GRIA2: variants seen among roughly 807,000 people sequenced by gnomAD.
The protein encoded by GRIA2 is glutamate receptor 2.
A neutral mutation model predicts 97.3 loss-of-function variants in GRIA2; 14 were observed. That is an observed-to-expected ratio of 0.14 (90% CI 0.10 to 0.23). GRIA2 has a LOEUF of 0.23. Ranked by LOEUF, GRIA2 falls within the 10% of genes least tolerant of loss-of-function variation. GRIA2 has a pLI of 1.00. For missense variants in GRIA2, 558 were observed against 1,069.8 expected (o/e 0.52, Z 6.67); for synonymous variants, 412 against 387.8 (o/e 1.06, Z -0.73).
At chr4:157,330,220 G>A (rs887151194) in intron 6 of GRIA2, among the ~76,000 whole-genome samples, 2 of 151,892 alleles carry the variant, frequency 1.3e-5, no homozygotes, top group African/African-American at 4.8e-5. Context: ...CAAGGCAACA[G>A]AACAGTAAAT....
rs905895618 is a variant in GRIA2, at chr4:157,278,164, C to T, written c.230-25388C>T. Among the ~76,000 whole-genome samples, 19 of 151,544 alleles carry T rather than the reference C, an allele frequency of 1.3e-4. No individual in the cohort carries two copies. In the South Asian group the frequency reaches 1.7e-3, roughly 13 times the overall value. On this transcript the variant is annotated intron_variant, in intron 2 of 15. Transcript: ENST00000264426. ...AAAAGAATACCTAGAATTGCCAACA[C>T]AATATTAAAGAAGATGAACAAAGTC... is the stretch of plus-strand genomic sequence containing the variant.
At chr4:157,338,461 AC>A (rs1735403379) in intron 11 of GRIA2, among the ~76,000 whole-genome samples, 1 of 151,910 alleles carries the variant, frequency 6.6e-6, no homozygotes, top group Non-Finnish European at 1.5e-5. Flanking sequence ...GGAGTGGGAA[AC>A]CTATTTGCAC....
At chr4:157,276,980 T>C (rs1186239204) in intron 2 of GRIA2, among the ~76,000 whole-genome samples, 1 of 151,876 alleles carries the variant, frequency 6.6e-6, no homozygotes, top group Non-Finnish European at 1.5e-5. Context: ...TTCTACCAAA[T>C]ATTTAAGGAA....
chr4:157,267,422 A>T (rs1731823172), intron 2 of GRIA2, among the ~76,000 whole-genome samples: 4 of 151,784 alleles, frequency 2.6e-5, no homozygotes, highest in Non-Finnish European at 4.4e-5. Context: ...AAGTTAAAAA[A>T]CTTTGAATCT....
intron 2 of GRIA2, among the ~76,000 whole-genome samples, chr4:157,245,342 A>G (rs1173912904): frequency 6.6e-6 from 1 of 152,074 alleles, no homozygotes; most frequent in Non-Finnish European, 1.5e-5. Context: ...TGGAAAAAAA[A>G]TACACTCTGC....
intron 11 of GRIA2, 27 bp from the exon 12 acceptor site, chr4:157,341,237 A>G (rs1474570091): frequency 1.3e-6 from 2 of 1,515,550 alleles, no homozygotes; most frequent in Admixed American, 3.4e-5. Context: ...ATTTCACTTT[A>G]CAAATCCATT....
intron 2 of GRIA2, among the ~76,000 whole-genome samples, chr4:157,274,443 T>C (rs886449013): frequency 1.3e-5 from 2 of 151,996 alleles, no homozygotes; most frequent in Non-Finnish European, 2.9e-5. Context: ...TGTATACATG[T>C]GCCACGTTGG....
intron 2 of GRIA2, among the ~76,000 whole-genome samples, chr4:157,257,941 T>C (rs1334295658): frequency 6.6e-6 from 1 of 152,088 alleles, no homozygotes; most frequent in Non-Finnish European, 1.5e-5. Context: ...CTTACACCTG[T>C]CTTTACTGCA....
chr4:157,290,633 T>C (rs1421103863), intron 2 of GRIA2, among the ~76,000 whole-genome samples: 3 of 151,872 alleles, frequency 2.0e-5, no homozygotes, highest in African/African-American at 7.2e-5. Flanking sequence ...TACTTTATAT[T>C]ATTCACATTG....
Position 157,361,145 on chromosome 4 carries a change from T to C in GRIA2, c.2406+21T>C, listed in dbSNP as rs1736614747. 1 of 1,539,018 alleles carries C rather than the reference T, an allele frequency of 6.5e-7. No homozygotes were observed. Among genetic ancestry groups the C allele is most frequent in the Non-Finnish European group, 9.0e-7 (1 of 1,111,968 alleles). ...CCAAGGTCAGCCCCAGTGAGAAAAGTAATGGGTAACTCAATGCAAAACAAA... is the reference window on the plus strand; with the variant it reads ...CCAAGGTCAGCCCCAGTGAGAAAAGCAATGGGTAACTCAATGCAAAACAAA... On this transcript the variant is annotated intron_variant, in intron 14 of 15. Transcript: ENST00000264426. The surrounding 1 kb of genome is among the most constrained non-coding windows in gnomAD (Gnocchi z 5.2).
At chr4:157,232,476 A>G (rs368057724) in intron 2 of GRIA2, among the ~76,000 whole-genome samples, 2 of 152,176 alleles carry the variant, frequency 1.3e-5, no homozygotes, top group East Asian at 3.9e-4. Flanking sequence ...GAAATGGGAG[A>G]ATTTTGGCTT....
At position 157,283,998 on chromosome 4, in the gene GRIA2, A is replaced by G. The variant is rs1233468996; in HGVS notation, c.230-19554A>G. Among the ~76,000 whole-genome samples, 9 of 152,074 alleles carry G rather than the reference A, an allele frequency of 5.9e-5. No individual in the cohort carries two copies. In the East Asian group the frequency reaches 1.7e-3, roughly 29 times the overall value. ...TTAGAGAGGTTTTTAATATTGCAGC[A>G]TTAATATAGTAAATTCATATTTAGT... On this transcript the variant is annotated intron_variant, in intron 2 of 15. Coordinates refer to ENST00000264426, the MANE Select transcript of GRIA2 (RefSeq NM_001083619.3).
At chr4:157,299,346 G>A (rs1326061730) in intron 2 of GRIA2, among the ~76,000 whole-genome samples, 1 of 152,092 alleles carries the variant, frequency 6.6e-6, no homozygotes, top group African/African-American at 2.4e-5. Context: ...TCCATATTTT[G>A]ATGTCAGAAT....
chr4:157,336,889 G>A (rs1349332290), intron 11 of GRIA2, 142 bp downstream of exon 11: 2 of 711,530 alleles, frequency 2.8e-6, no homozygotes, highest in East Asian at 5.0e-5. Context: ...CATCCTCTTA[G>A]CTTCGGCATA....
intron 2 of GRIA2, among the ~76,000 whole-genome samples, chr4:157,222,739 C>G (rs992481214): frequency 6.6e-6 from 1 of 152,226 alleles, no homozygotes; most frequent in Non-Finnish European, 1.5e-5. Flanking sequence ...TATTAACCCT[C>G]TCACTCCGCG....
chr4:157,348,038 C>G (rs1455668081), intron 12 of GRIA2, among the ~76,000 whole-genome samples: 3 of 151,952 alleles, frequency 2.0e-5, no homozygotes, highest in African/African-American at 7.3e-5. Context: ...ATAGCTTGAA[C>G]CTGGGAGGTG....
intron 2 of GRIA2, among the ~76,000 whole-genome samples, chr4:157,229,247 G>A (rs998660803): frequency 6.6e-6 from 1 of 151,890 alleles, no homozygotes; most frequent in African/African-American, 2.4e-5. Context: ...TTTATGTTTC[G>A]GGTTTGTTTT....
At chr4:157,233,208 T>C (rs1159304131) in intron 2 of GRIA2, among the ~76,000 whole-genome samples, 1 of 152,116 alleles carries the variant, frequency 6.6e-6, no homozygotes. Flanking sequence ...ATCACATAAG[T>C]CACTGAAAGA....
Position 157,355,981 on chromosome 4 carries a change from T to TTATATATATTTATGTATATTAATA in GRIA2, c.2044-3908_2044-3907insATTTATGTATATTAATATATATAT, listed in dbSNP as rs1553958601. ...TATTTATGTATATTAATATATATATTTATATATTTATATATATTTATATAT... is the reference window on the plus strand; with the variant it reads ...TATTTATGTATATTAATATATATATTTATATATATTTATGTATATTAATATATATATTTATATATATTTATATAT... On this transcript the variant is annotated intron_variant, in intron 12 of 15. Transcript: ENST00000264426. Among the ~76,000 whole-genome samples, 9 of 74,016 alleles carry TTATATATATTTATGTATATTAATA rather than the reference T, an allele frequency of 1.2e-4. 1 individual carries two copies. The highest frequency in any genetic ancestry group is 1.1e-3 in the East Asian group (3 of 2,808). The allele number at this position is 74,016 out of a possible 152,430, so 48.6% of individuals were successfully genotyped here.
Sources: allele counts gnomAD v4.1 joint callset (sites outside exome capture counted in the v4.1 genomes callset), GRCh38; gene constraint gnomAD v4.1.1; non-coding constraint Gnocchi (gnomAD v3.1); transcripts MANE v1.5; gene names NCBI Gene and HGNC (gene_info 2026-07-23, HGNC 2026-07-21).